Variants in LEKR1 observed in about 807,000 individuals in gnomAD.
LEKR1 encodes leucine, glutamate and lysine rich 1.
A neutral mutation model predicts 72.4 loss-of-function variants in LEKR1; 59 were observed. The ratio of observed to expected loss-of-function variants is 0.82; its 90% confidence interval spans 0.66 to 1.01. LEKR1 has a LOEUF of 1.01. LEKR1 is among the 50% of genes least tolerant of loss of function. The probability of loss-of-function intolerance (pLI) is 0.00; values close to 1 mark genes in which losing one functional copy is unlikely to be tolerated. For synonymous variants in LEKR1, 257 were observed against 263.2 expected, an observed-to-expected ratio of 0.98 and a Z score of 0.23; for missense variants, 728 against 759.2, an observed-to-expected ratio of 0.96 and a Z score of 0.48.
At position 157,045,875 on chromosome 3, in the gene LEKR1, G is replaced by A; in HGVS notation, c.*125G>A. On this transcript the variant is annotated 3_prime_UTR_variant, in exon 13 of 13. Transcript: ENST00000356539. ...CACAGATCAGGAAGGCATACCTATAGATGTATTTAACAAAAGACTGTAAAA... is the reference window on the plus strand; with the variant it reads ...CACAGATCAGGAAGGCATACCTATAAATGTATTTAACAAAAGACTGTAAAA... 2.3e-6 allele frequency: 2 copies of A among 854,788 alleles called. No individual in the cohort carries two copies. The highest frequency in any genetic ancestry group is 3.5e-6 in the Non-Finnish European group (2 of 567,920). The allele number at this position is 854,788 out of a possible 1,614,324, so 53.0% of individuals were successfully genotyped here.
At chr3:156,947,007 C>T (rs570209681) in intron 6 of LEKR1, among the ~76,000 whole-genome samples, 7 of 149,880 alleles carry the variant, frequency 4.7e-5, no homozygotes, top group African/African-American at 1.7e-4. Context: ...TGGGTCTTCT[C>T]TTTTTTTTTC....
chr3:156,965,024 GA>G (rs1379758511), intron 6 of LEKR1, among the ~76,000 whole-genome samples: 1 of 151,816 alleles, frequency 6.6e-6, no homozygotes, highest in African/African-American at 2.4e-5. Context: ...TTCTGGTTTT[GA>G]AAAATCTCAT....
chr3:157,012,374 T>A (rs1732961794), intron 10 of LEKR1, among the ~76,000 whole-genome samples: 1 of 152,172 alleles, frequency 6.6e-6, no homozygotes, highest in African/African-American at 2.4e-5. Flanking sequence ...ATTGTTTGAC[T>A]GAAGTCCTGA....
chr3:156,897,352 A>G (rs1430138298), intron 3 of LEKR1, among the ~76,000 whole-genome samples: 3 of 152,146 alleles, frequency 2.0e-5, no homozygotes, highest in African/African-American at 7.2e-5. Context: ...GAAGAGATTT[A>G]TTCTGAGTCA....
chr3:156,973,075 G>A (rs1380463907), intron 6 of LEKR1, among the ~76,000 whole-genome samples: 1 of 151,962 alleles, frequency 6.6e-6, no homozygotes, highest in Non-Finnish European at 1.5e-5. Context: ...AATGAAAACT[G>A]CAGAACTATT....
At position 157,045,624 on chromosome 3, in the gene LEKR1, G is replaced by A. The variant is rs1735697090; in HGVS notation, c.1953G>A (p.Pro651=). 2 of 1,614,000 alleles carry A rather than the reference G, an allele frequency of 1.2e-6. No homozygotes were observed. Among genetic ancestry groups the A allele is most frequent in the Non-Finnish European group, 1.7e-6 (2 of 1,180,022 alleles). Residue 651 remains proline, a synonymous_variant, in exon 13 of 13, where the codon CCG becomes CCA. Transcript: ENST00000356539. ...KPTTFPTSDK[P]KRVRSGVPIL... is the part of the protein sequence containing the mutation. ...CCACTTTCCCAACCTCAGATAAGCC[G>A]AAGAGGGTTAGATCAGGCGTGCCCA...
At chr3:156,879,853 T>A (rs1719079267) in intron 3 of LEKR1, among the ~76,000 whole-genome samples, 1 of 152,172 alleles carries the variant, frequency 6.6e-6, no homozygotes. Flanking sequence ...AGCTTCCACA[T>A]GGTGTTGAGT....
intron 3 of LEKR1, among the ~76,000 whole-genome samples, chr3:156,856,463 T>A (rs453219): frequency 6.6e-6 from 1 of 151,974 alleles, no homozygotes; most frequent in Non-Finnish European, 1.5e-5. Flanking sequence ...GAATCAGCTT[T>A]TCCGATTCCA....
At chr3:157,033,814 C>T (rs979306447) in intron 12 of LEKR1, among the ~76,000 whole-genome samples, 2 of 152,152 alleles carry the variant, frequency 1.3e-5, no homozygotes, top group African/African-American at 4.8e-5. Flanking sequence ...AGCCAAACTT[C>T]AAGAATTAGC....
Position 156,835,384 on chromosome 3 carries a change from G to A in LEKR1, c.48+6007G>A, listed in dbSNP as rs188621038. ...CTTCAAGGAACAGGGCCAAGAAAGC[G>A]TGCAGCTTCCAGGGCCTGACAGGCA... On this transcript the variant is annotated intron_variant, in intron 2 of 12. Transcript: ENST00000356539. Among the ~76,000 whole-genome samples, 575 of 152,320 alleles carry A rather than the reference G, an allele frequency of 3.8e-3. 5 individuals are homozygous for A. Among genetic ancestry groups the A allele is most frequent in the Non-Finnish European group, 4.0e-3 (273 of 68,016 alleles).
At chr3:157,017,643 A>G (rs1258055732) in intron 10 of LEKR1, 1 of 152,240 alleles carries the variant, frequency 6.6e-6, no homozygotes, top group African/African-American at 2.4e-5. Context: ...ACGAAAACAC[A>G]AAAGAAAGCT....
At chr3:157,030,476 TAATTA>T (rs765630235) in intron 12 of LEKR1, among the ~76,000 whole-genome samples, 8 of 152,220 alleles carry the variant, frequency 5.3e-5, no homozygotes, top group Non-Finnish European at 1.2e-4. Flanking sequence ...TTTGCATGAG[TAATTA>T]AATTAATATC....
chr3:156,839,514 G>A (rs1713612502), intron 2 of LEKR1, among the ~76,000 whole-genome samples: 1 of 152,162 alleles, frequency 6.6e-6, no homozygotes, highest in African/African-American at 2.4e-5. Context: ...AGCCAATAAA[G>A]GAAATTATAA....
intron 3 of LEKR1, among the ~76,000 whole-genome samples, chr3:156,869,019 G>C (rs1175800520): frequency 6.6e-6 from 1 of 151,924 alleles, no homozygotes; most frequent in Non-Finnish European, 1.5e-5. Flanking sequence ...GCTGCAAATG[G>C]CATGATTTCA....
At position 156,894,959 on chromosome 3, in the gene LEKR1, G is replaced by T. The variant is rs189346065; in HGVS notation, c.264-25616G>T. ...CCTAGAAGAAAATTGAGGCAATACC[G>T]TTCAGGACATAGGCATGGGCAAAGA... On this transcript the variant is annotated intron_variant, in intron 3 of 12. Transcript: ENST00000356539. 5.3e-5 allele frequency among the ~76,000 whole-genome samples: 8 copies of T among 152,150 alleles called. No individual in the cohort carries two copies. In the East Asian group the frequency reaches 1.5e-3, roughly 29 times the overall value.
At chr3:157,038,375 G>T (rs779811923) in intron 12 of LEKR1, among the ~76,000 whole-genome samples, 2 of 152,216 alleles carry the variant, frequency 1.3e-5, no homozygotes, top group Non-Finnish European at 1.5e-5. Context: ...TTTGGGACAT[G>T]TTGATCTTAA....
At chr3:156,863,348 T>G (rs1408877664) in intron 3 of LEKR1, among the ~76,000 whole-genome samples, 1 of 152,052 alleles carries the variant, frequency 6.6e-6, no homozygotes, top group African/African-American at 2.4e-5. Context: ...TTTTAAAGAA[T>G]GCACCTCTGG....
chr3:156,858,139 A>T lies in LEKR1; in HGVS notation c.263+5157A>T, dbSNP rs181902071. Among the ~76,000 whole-genome samples the T allele has an allele frequency of 2.0e-5, 3 of 152,070 alleles. No homozygotes were observed. In the East Asian group the frequency reaches 5.8e-4, roughly 29 times the overall value. On this transcript the variant is annotated intron_variant, in intron 3 of 12. Coordinates refer to ENST00000356539, the MANE Select transcript of LEKR1 (RefSeq NM_001004316.3). ...TTTCACTTGCATTTCAAATTTCTGG[A>T]TGTTTAGTATTATAGAGTATCCTCT...
intron 3 of LEKR1, among the ~76,000 whole-genome samples, chr3:156,916,655 G>T (rs1723682329): frequency 6.6e-6 from 1 of 152,116 alleles, no homozygotes; most frequent in Non-Finnish European, 1.5e-5. Flanking sequence ...GAGCTTTTGG[G>T]CTGAGACTAT....
Sources: allele counts gnomAD v4.1 joint callset (sites outside exome capture counted in the v4.1 genomes callset), GRCh38; gene constraint gnomAD v4.1.1; transcripts MANE v1.5; gene names NCBI Gene and HGNC (gene_info 2026-07-23, HGNC 2026-07-21).